Variants in ZNF431 observed in about 807,000 individuals in gnomAD.
ZNF431 encodes the protein zinc finger protein 431.
A neutral mutation model predicts 57.0 loss-of-function variants in ZNF431; 34 were observed. The ratio of observed to expected loss-of-function variants is 0.60; its 90% CI spans 0.45 to 0.79. The LOEUF (loss-of-function observed/expected upper bound fraction) is 0.79. ZNF431 is among the 30% of genes least tolerant of loss of function. ZNF431 has a pLI of 0.00. For synonymous variants in ZNF431, 207 were observed against 220.3 expected, an observed-to-expected ratio of 0.94 and a Z score of 0.54; for missense variants, 607 against 667.1, an observed-to-expected ratio of 0.91 and a Z score of 0.99.
At position 21,166,346 on chromosome 19, in the gene ZNF431, A is replaced by G. The variant is rs201999345; in HGVS notation, c.108A>G (p.Thr36=). Residue 36 remains threonine, a synonymous_variant, in exon 3 of 5, where the codon ACA becomes ACG. Coordinates refer to ENST00000311048, the MANE Select transcript of ZNF431 (RefSeq NM_133473.4). ...VYSYFEKETL[T]FRDVAIEFSL... is the part of the protein sequence containing the mutation. Reference sequence around the variant, plus strand: ...CTTGTGTTTTTCAGGAGACATTGACATTTAGGGATGTGGCCATAGAATTCT... The same window carrying G: ...CTTGTGTTTTTCAGGAGACATTGACGTTTAGGGATGTGGCCATAGAATTCT... 5.6e-5 allele frequency: 90 copies of G among 1,613,294 alleles called. 1 individual carries two copies. The East Asian group carries it at 1.9e-3, about 34-fold the overall frequency.
At chr19:21,148,161 A>AT (rs1294963008) in intron 2 of ZNF431, among the ~76,000 whole-genome samples, 2 of 151,782 alleles carry the variant, frequency 1.3e-5, no homozygotes, top group Non-Finnish European at 2.9e-5. Flanking sequence ...TACCTGGCTA[A>AT]TTTTTTTGTA....
chr19:21,176,857 C>T (rs761029163), intron 4 of ZNF431, among the ~76,000 whole-genome samples: 2 of 151,990 alleles, frequency 1.3e-5, no homozygotes, highest in African/African-American at 2.4e-5. Context: ...CCACCATGCC[C>T]GGCTAATTTT....
At chr19:21,179,200 G>A (rs1402735596) in intron 4 of ZNF431, among the ~76,000 whole-genome samples, 1 of 152,022 alleles carries the variant, frequency 6.6e-6, no homozygotes, top group Non-Finnish European at 1.5e-5. Flanking sequence ...ATTTCTGTGG[G>A]GTCAGTGATG....
chr19:21,145,421 G>T (rs935773085), intron 2 of ZNF431, among the ~76,000 whole-genome samples: 1 of 152,216 alleles, frequency 6.6e-6, no homozygotes, highest in African/African-American at 2.4e-5. Flanking sequence ...AGCTTACAGT[G>T]AGCCAAGATC....
rs1402775753 is a variant in ZNF431, at chr19:21,151,299, C to A, written c.96+7656C>A. Reference sequence around the variant, plus strand: ...TCTATCTCCTGACCTTGTGATCAGCCCACCTTGGACTCCTAAAGTGCTGGG... The same window carrying A: ...TCTATCTCCTGACCTTGTGATCAGCACACCTTGGACTCCTAAAGTGCTGGG... On this transcript the variant is annotated intron_variant, in intron 2 of 4. Coordinates refer to ENST00000311048, the MANE Select transcript of ZNF431 (RefSeq NM_133473.4). The A allele has an allele frequency of 3.3e-5, 5 of 152,232 alleles. No homozygotes were observed. In the South Asian group the frequency reaches 1.0e-3, roughly 32 times the overall value. 9.4% of individuals were successfully genotyped at this position (152,232 alleles called of 1,614,324 possible).
intron 2 of ZNF431, among the ~76,000 whole-genome samples, chr19:21,158,123 G>T (rs1970471297): frequency 6.6e-6 from 1 of 152,098 alleles, no homozygotes; most frequent in African/African-American, 2.4e-5. Context: ...TCTTTGGGCA[G>T]TTTGGCCATT....
rs1971437747 is a variant in ZNF431 at position 21,188,725 on chromosome 19, CA to C, written c.*4692del. ...TTTTCTCTGAAAAACATTTGGAGATCATGACAGCGTTTGGATTAAAACATTT... is the reference window on the plus strand; with the variant it reads ...TTTTCTCTGAAAAACATTTGGAGATCTGACAGCGTTTGGATTAAAACATTT... On this transcript the variant is annotated 3_prime_UTR_variant, in exon 5 of 5. Coordinates refer to ENST00000311048, the MANE Select transcript of ZNF431 (RefSeq NM_133473.4). 1 of 152,114 alleles carries C rather than the reference CA, an allele frequency of 6.6e-6. No individual in the cohort carries two copies. 9.4% of individuals were successfully genotyped at this position (152,114 alleles called of 1,614,324 possible).
rs1422603814 is a variant in ZNF431, at chr19:21,184,093, A to G, written c.*59A>G. 1 of 1,454,424 alleles carries G rather than the reference A, an allele frequency of 6.9e-7. No individual in the cohort carries two copies. 90.1% of individuals were successfully genotyped at this position (1,454,424 alleles called of 1,614,324 possible). A position where few individuals can be genotyped will look rare whatever the true frequency, so the allele number is the denominator to read the frequency against. ...GGCCGGGTGCGGTGGCTTATGCAAA[A>G]TGGCTCCCAGCATTTTGGGAGGCTG... On this transcript the variant is annotated 3_prime_UTR_variant, in exon 5 of 5. Transcript: ENST00000311048.
chr19:21,169,405 T>C (rs564149341), intron 4 of ZNF431, among the ~76,000 whole-genome samples: 1 of 152,342 alleles, frequency 6.6e-6, no homozygotes, highest in East Asian at 1.9e-4. Flanking sequence ...AATATAGTTT[T>C]ATATTGGTAT....
rs373186650 is a variant in ZNF431, at chr19:21,143,563, T to C, written c.16T>C (p.Tyr6His). ...TTTTCTTCCATAGGACGACTTGAAA[T>C]ATGGAGTGTATCCTCTCAAGGAAGC... The part of the protein sequence containing the change: MDDLK[Y>H]GVYPLKEASG... The change falls in exon 2 of 5, where the codon TAT (tyrosine) becomes CAT (histidine). Residue 6 changes from tyrosine (Y) to histidine (H), a missense_variant. Coordinates refer to ENST00000311048, the MANE Select transcript of ZNF431 (RefSeq NM_133473.4). 46 of 1,613,646 alleles carry C rather than the reference T, an allele frequency of 2.9e-5. No homozygotes were observed. In the African/African-American group the frequency reaches 5.9e-4, roughly 21 times the overall value.
intron 2 of ZNF431, among the ~76,000 whole-genome samples, chr19:21,160,455 G>A (rs1199745862): frequency 1.3e-5 from 2 of 152,160 alleles, no homozygotes; most frequent in African/African-American, 2.4e-5. Context: ...CTGGAGCAGA[G>A]TATTCTTGTC....
chr19:21,191,154 G>T lies in ZNF431; in HGVS notation c.*7120G>T, dbSNP rs957874546. On this transcript the variant is annotated 3_prime_UTR_variant, in exon 5 of 5. Transcript: ENST00000311048. ...TCCTTTTGTGTCCTGGGATGTTTAG[G>T]TTAAATCAAAAAACTTGCGGCCAGG... The T allele has an allele frequency of 2.0e-5, 3 of 151,700 alleles. No individual in the cohort carries two copies. The highest frequency in any genetic ancestry group is 4.4e-5 in the Non-Finnish European group (3 of 67,970). 9.4% of individuals were successfully genotyped at this position (151,700 alleles called of 1,614,324 possible).
At position 21,183,190 on chromosome 19, in the gene ZNF431, C is replaced by G. The variant is rs1488276881; in HGVS notation, c.887C>G (p.Ala296Gly). The G allele has an allele frequency of 5.6e-6, 9 of 1,613,682 alleles. No homozygotes were observed. The highest frequency in any genetic ancestry group is 1.3e-5 in the African/African-American group (1 of 74,848). Residue 296 changes from alanine (A) to glycine (G), a missense_variant, in exon 5 of 5, where the codon GCC becomes GGC. Ala to Gly is a moderately conservative substitution (Grantham distance 60). Transcript: ENST00000311048. ...KPYRCEECGK[A>G]FNRSSHLTTH... ...TATAGATGTGAAGAATGTGGCAAAG[C>G]CTTCAACCGGTCCTCACACCTTACT...
Position 21,142,124 on chromosome 19 carries a change from T to A in ZNF431, c.-60T>A, listed in dbSNP as rs375038863. Reference sequence around the variant, plus strand: ...TAGAGGCCCAACATCTGTGGCCCTGTGACCTGCAGGTATTGGGAGACCCAC... The same window carrying A: ...TAGAGGCCCAACATCTGTGGCCCTGAGACCTGCAGGTATTGGGAGACCCAC... On this transcript the variant is annotated 5_prime_UTR_variant, in exon 1 of 5. Coordinates refer to ENST00000311048, the MANE Select transcript of ZNF431 (RefSeq NM_133473.4). The A allele has an allele frequency of 1.9e-5, 31 of 1,608,630 alleles. No individual in the cohort carries two copies. The highest frequency in any genetic ancestry group is 2.6e-5 in the Non-Finnish European group (31 of 1,176,230).
intron 2 of ZNF431, among the ~76,000 whole-genome samples, chr19:21,155,966 G>A (rs1165970577): frequency 6.6e-6 from 1 of 152,088 alleles, no homozygotes; most frequent in Non-Finnish European, 1.5e-5. Flanking sequence ...AAAACTTCAA[G>A]GAAAGGAGCT....
chr19:21,189,829 GT>G lies in ZNF431; in HGVS notation c.*5796del, dbSNP rs1200543161. 1 of 397,210 alleles carries G rather than the reference GT, an allele frequency of 2.5e-6. No individual in the cohort carries two copies. 24.6% of individuals were successfully genotyped at this position (397,210 alleles called of 1,614,324 possible). A position where few individuals can be genotyped will look rare whatever the true frequency, so the allele number is the denominator to read the frequency against. ...TACAATGTCCTCCAACTTCATCCAT[GT>G]GATTGAGAATAATAGTTTTTGTTTT... On this transcript the variant is annotated 3_prime_UTR_variant, in exon 5 of 5. Coordinates refer to ENST00000311048, the MANE Select transcript of ZNF431 (RefSeq NM_133473.4).
chr19:21,158,137 A>G (rs980573558), intron 2 of ZNF431, among the ~76,000 whole-genome samples: 5 of 152,092 alleles, frequency 3.3e-5, no homozygotes, highest in Admixed American at 2.6e-4. Context: ...GGCCATTTTA[A>G]TAATATTGAT....
chr19:21,166,339 CA>C lies in ZNF431; in HGVS notation c.102del (p.Leu35Ter). On this transcript the variant is annotated frameshift_variant, in exon 3 of 5. Coordinates refer to ENST00000311048, the MANE Select transcript of ZNF431 (RefSeq NM_133473.4). LOFTEE classifies it high-confidence loss of function. ...LLVYSYFEKETLTFRDVAIEF... is the reference protein window; with the variant it reads ...LLVYSYFEKEXLTFRDVAIEF... ...CTCTGTGCTTGTGTTTTTCAGGAGACATTGACATTTAGGGATGTGGCCATAG... is the reference window on the plus strand; with the variant it reads ...CTCTGTGCTTGTGTTTTTCAGGAGACTTGACATTTAGGGATGTGGCCATAG... The C allele has an allele frequency of 6.2e-7, 1 of 1,612,668 alleles. No individual in the cohort carries two copies. The highest frequency in any genetic ancestry group is 1.1e-5 in the South Asian group (1 of 90,780).
rs1432372510 is a variant in ZNF431, at chr19:21,189,889, T to G, written c.*5855T>G. The G allele has an allele frequency of 2.5e-6, 1 of 398,056 alleles. No individual in the cohort carries two copies. Among genetic ancestry groups the G allele is most frequent in the Non-Finnish European group, 4.4e-6 (1 of 226,070 alleles). The allele number at this position is 398,056 out of a possible 1,614,324, so 24.7% of individuals were successfully genotyped here. On this transcript the variant is annotated 3_prime_UTR_variant, in exon 5 of 5. Transcript: ENST00000311048. ...GGCCAGGAGTGGTGGCTCACACCTG[T>G]AATCCCAGCTCTGGGAGGCCAAGGC...
Sources: allele counts gnomAD v4.1 joint callset (sites outside exome capture counted in the v4.1 genomes callset), GRCh38; gene constraint gnomAD v4.1.1; transcripts MANE v1.5; gene names NCBI Gene and HGNC (gene_info 2026-07-23, HGNC 2026-07-21).